Variants in PTPRM observed in about 807,000 individuals in gnomAD.
PTPRM encodes the protein receptor-type tyrosine-protein phosphatase mu.
Under a neutral mutation model 186.7 loss-of-function variants are expected in PTPRM, and 47 were observed. The ratio of observed to expected loss-of-function variants is 0.25; its 90% CI spans 0.20 to 0.32. The LOEUF (loss-of-function observed/expected upper bound fraction) is 0.32. PTPRM is among the 10% of genes least tolerant of loss of function. The probability of loss-of-function intolerance (pLI) is 1.00; values close to 1 mark genes in which losing one functional copy is unlikely to be tolerated. For missense variants in PTPRM, 1,494 were observed against 1,865.0 expected (o/e 0.80, Z 3.66); for synonymous variants, 668 against 674.9 (o/e 0.99, Z 0.16).
chr18:8,381,849 T>A (rs2095738698), intron 29 of PTPRM, among the ~76,000 whole-genome samples: 1 of 152,206 alleles, frequency 6.6e-6, no homozygotes, highest in Non-Finnish European at 1.5e-5. Flanking sequence ...ATCATGATGG[T>A]TTTTTTCTTA....
At chr18:8,243,979 G>C in intron 14 of PTPRM, 79 bp from the exon 15 acceptor site, 1 of 1,352,272 alleles carries the variant, frequency 7.4e-7, no homozygotes, top group African/African-American at 1.5e-5. Context: ...TGTTATTCCT[G>C]AACATCTGTC....
chr18:7,930,741 A>G (rs1025591020), intron 5 of PTPRM, among the ~76,000 whole-genome samples: 4 of 152,150 alleles, frequency 2.6e-5, no homozygotes, highest in African/African-American at 9.7e-5. Flanking sequence ...ATTACATGTC[A>G]TATTGATCCA....
chr18:7,596,840 A>G (rs1019860698), intron 1 of PTPRM, among the ~76,000 whole-genome samples: 3 of 149,004 alleles, frequency 2.0e-5, no homozygotes, highest in Non-Finnish European at 4.5e-5. Context: ...TACTTTCTTC[A>G]TTTATCTTTT....
intron 14 of PTPRM, among the ~76,000 whole-genome samples, chr18:8,221,180 A>G (rs1406247290): frequency 6.6e-6 from 1 of 152,190 alleles, no homozygotes; most frequent in Non-Finnish European, 1.5e-5. Flanking sequence ...GGTCATGAAG[A>G]AAAGCATTAT....
At position 8,380,424 on chromosome 18, in the gene PTPRM, C is replaced by A; in HGVS notation, c.3915C>A (p.Ala1305=). ...SVVMLNDVDP[A]QLCPQYWPEN... is the part of the protein sequence containing the mutation. ...TTATGCTAAATGATGTGGATCCTGC[C>A]CAGGTGAGACCCGGACTTCTTACAG... is the stretch of plus-strand genomic sequence containing the variant. The change falls in exon 29 of 33, where the codon GCC becomes GCA. Residue 1305 remains alanine (A), a synonymous_variant. Coordinates refer to ENST00000580170, the MANE Select transcript of PTPRM (RefSeq NM_001105244.2). 6.2e-7 allele frequency: 1 copy of A among 1,614,084 alleles called. No homozygotes were observed. The highest frequency in any genetic ancestry group is 8.5e-7 in the Non-Finnish European group (1 of 1,180,012).
At chr18:7,646,170 A>C (rs922895799) in intron 1 of PTPRM, among the ~76,000 whole-genome samples, 7 of 152,174 alleles carry the variant, frequency 4.6e-5, no homozygotes, top group African/African-American at 7.2e-5. Context: ...CAATACTCAC[A>C]AAAACCCATT....
At chr18:7,883,549 G>C (rs192668792) in intron 2 of PTPRM, among the ~76,000 whole-genome samples, 201 of 152,276 alleles carry the variant, frequency 1.3e-3, no homozygotes, top group African/African-American at 4.5e-3. Context: ...TTTCATATTT[G>C]CTTCTGTAAA....
In PTPRM at chr18:7,980,530, C is replaced by G. The variant is rs188214796; in HGVS notation, c.1132+25116C>G. 8.2e-3 allele frequency among the ~76,000 whole-genome samples: 1,245 copies of G among 152,052 alleles called. 7 individuals carry two copies. Among genetic ancestry groups the G allele is most frequent in the South Asian group, 0.033 (160 of 4,814 alleles). ...TCCCAGGTAGCTAGGACTACAGGCA[C>G]ATGCCACCACGCCTGGCTAATTTTT... On this transcript the variant is annotated intron_variant, in intron 7 of 32. Coordinates refer to ENST00000580170, the MANE Select transcript of PTPRM (RefSeq NM_001105244.2).
At chr18:7,953,567 A>C (rs892070905) in intron 6 of PTPRM, among the ~76,000 whole-genome samples, 9 of 152,218 alleles carry the variant, frequency 5.9e-5, no homozygotes, top group African/African-American at 2.2e-4. Flanking sequence ...ATTCATTCAC[A>C]GTTTTGTGTC....
At position 8,242,512 on chromosome 18, in the gene PTPRM, G is replaced by A. The variant is rs571523308; in HGVS notation, c.2301-1546G>A. Among the ~76,000 whole-genome samples the A allele has an allele frequency of 4.6e-5, 7 of 152,276 alleles. No individual in the cohort carries two copies. The South Asian group carries it at 1.2e-3, about 27-fold the overall frequency. ...TAGAAGGGATGATCATGATCCCCAC[G>A]GGGCAAGAGAGGGGTGGTGTCAGTG... On this transcript the variant is annotated intron_variant, in intron 14 of 32. Transcript: ENST00000580170.
chr18:7,778,295 T>C (rs905375014), intron 2 of PTPRM, among the ~76,000 whole-genome samples: 1 of 152,022 alleles, frequency 6.6e-6, no homozygotes, highest in African/African-American at 2.4e-5. Flanking sequence ...GTATTTCAAG[T>C]GAACATTCAT....
At chr18:7,973,950 G>T (rs1421871959) in intron 7 of PTPRM, among the ~76,000 whole-genome samples, 14 of 150,438 alleles carry the variant, frequency 9.3e-5, no homozygotes. Flanking sequence ...AGAGTATTTA[G>T]TCAGTGAGAT....
chr18:7,989,021 A>G (rs964058068), intron 7 of PTPRM, among the ~76,000 whole-genome samples: 1 of 152,222 alleles, frequency 6.6e-6, no homozygotes, highest in Non-Finnish European at 1.5e-5. Flanking sequence ...TAGAGAATAT[A>G]GTACCTTTAT....
intron 1 of PTPRM, among the ~76,000 whole-genome samples, chr18:7,728,894 AC>A (rs2040600343): frequency 6.6e-6 from 1 of 150,540 alleles, no homozygotes; most frequent in Admixed American, 6.6e-5. Flanking sequence ...TCTAGCTATT[AC>A]TTTTTTTTGA....
At chr18:8,062,195 C>T (rs1418096071) in intron 7 of PTPRM, among the ~76,000 whole-genome samples, 1 of 48,342 alleles carries the variant, frequency 2.1e-5, no homozygotes, top group Non-Finnish European at 4.1e-5. Flanking sequence ...CTTCTCGCTT[C>T]ATTTCATTCA....
At chr18:7,816,126 G>A (rs1426075097) in intron 2 of PTPRM, among the ~76,000 whole-genome samples, 1 of 152,180 alleles carries the variant, frequency 6.6e-6, no homozygotes, top group East Asian at 1.9e-4. Flanking sequence ...GATAAAATAA[G>A]CTTGGCAGTT....
chr18:7,772,407 C>CTTTCTTTCTTTTCT (rs1555673487), intron 1 of PTPRM, among the ~76,000 whole-genome samples: 4 of 102,350 alleles, frequency 3.9e-5, no homozygotes, highest in African/African-American at 1.4e-4. Context: ...TTCTTTCTTT[C>CTTTCTTTCTTTTCT]TTTCTTTTCT....
chr18:8,140,003 A>C (rs190769427), intron 13 of PTPRM, among the ~76,000 whole-genome samples: 1 of 152,324 alleles, frequency 6.6e-6, no homozygotes, highest in Non-Finnish European at 1.5e-5. Flanking sequence ...TAAATGAAGA[A>C]TATTGCTGGA....
intron 1 of PTPRM, among the ~76,000 whole-genome samples, chr18:7,683,758 G>A (rs2039532812): frequency 6.6e-6 from 1 of 152,138 alleles, no homozygotes; most frequent in South Asian, 2.1e-4. Flanking sequence ...TCTCAGTTCT[G>A]CAAGGCTGAA....
Sources: gnomAD v4.1 joint callset for allele counts (sites outside exome capture counted in the v4.1 genomes callset) on GRCh38, gnomAD v4.1.1 for gene constraint, MANE v1.5 for transcripts, NCBI Gene and HGNC (gene_info 2026-07-23, HGNC 2026-07-21) for gene names.